Variants in CDH20 observed in about 807,000 individuals in gnomAD.
The protein encoded by CDH20 is cadherin-20.
In CDH20, 29 loss-of-function variants were observed where a neutral mutation model predicts 74.2. The observed-to-expected ratio is 0.39, with a 90% CI of 0.29 to 0.53. The LOEUF is 0.53. Among genes scored for constraint, CDH20 ranks in the 20% least tolerant of loss-of-function variants. The probability of loss-of-function intolerance (pLI) is 0.69; values close to 1 mark genes in which losing one functional copy is unlikely to be tolerated. For missense variants in CDH20, 988 were observed against 1,048.3 expected (o/e 0.94, Z 0.79); for synonymous variants, 469 against 405.4 (o/e 1.16, Z -1.88).
intron 1 of CDH20, among the ~76,000 whole-genome samples, chr18:61,392,787 T>TA (rs78892459): frequency 0.015 from 1,993 of 132,388 alleles, 22 homozygotes; most frequent in African/African-American, 0.021. Flanking sequence ...ATTACTATGG[T>TA]AAAAAAAAAA....
chr18:61,373,584 C>T (rs900187829), intron 1 of CDH20, among the ~76,000 whole-genome samples: 1 of 152,134 alleles, frequency 6.6e-6, no homozygotes, highest in African/African-American at 2.4e-5. Flanking sequence ...TAATTCCCCA[C>T]CATATGTGTG....
chr18:61,484,008 T>C (rs546618925), intron 1 of CDH20, among the ~76,000 whole-genome samples: 1 of 152,344 alleles, frequency 6.6e-6, no homozygotes, highest in South Asian at 2.1e-4. Context: ...AAAATCTTCT[T>C]CCTGTGAATT....
At chr18:61,507,348 T>C (rs1156625932) in intron 5 of CDH20, 25 bp from the exon 6 acceptor site, 5 of 1,602,070 alleles carry the variant, frequency 3.1e-6, no homozygotes, top group Non-Finnish European at 4.3e-6. Flanking sequence ...TTATCAAGAA[T>C]GCGTGTCCTG....
intron 7 of CDH20, 83 bp downstream of exon 7, chr18:61,528,303 G>T (rs1599148666): frequency 2.8e-5 from 38 of 1,377,478 alleles, no homozygotes; most frequent in East Asian, 1.5e-4. Context: ...TTTTCCCTTT[G>T]TTTCTTTCTT....
At chr18:61,491,710 G>A (rs1032656666) in intron 2 of CDH20, among the ~76,000 whole-genome samples, 5 of 152,014 alleles carry the variant, frequency 3.3e-5, no homozygotes, top group Admixed American at 3.3e-4. Context: ...CTTAACCCAG[G>A]TATCTGGCTT....
chr18:61,548,692 C>A (rs1280930651), intron 10 of CDH20, among the ~76,000 whole-genome samples: 1 of 152,224 alleles, frequency 6.6e-6, no homozygotes, highest in Non-Finnish European at 1.5e-5. Flanking sequence ...AGCTCAGCGT[C>A]CCAGGCCGCC....
intron 1 of CDH20, among the ~76,000 whole-genome samples, chr18:61,470,300 T>A (rs1460924645): frequency 6.6e-6 from 1 of 152,218 alleles, no homozygotes; most frequent in Non-Finnish European, 1.5e-5. Flanking sequence ...ACTGGCTGTA[T>A]CCAATCTATT....
intron 1 of CDH20, among the ~76,000 whole-genome samples, chr18:61,408,595 A>C (rs1912403045): frequency 6.6e-6 from 1 of 152,226 alleles, no homozygotes; most frequent in Non-Finnish European, 1.5e-5. Context: ...AGACCTATGT[A>C]CAAGGTACAA....
intron 1 of CDH20, among the ~76,000 whole-genome samples, chr18:61,412,563 T>G (rs1168138159): frequency 6.6e-6 from 1 of 151,962 alleles, no homozygotes; most frequent in Admixed American, 6.6e-5. Context: ...CAAAAAAGAA[T>G]AGTCCAACAA....
intron 1 of CDH20, among the ~76,000 whole-genome samples, chr18:61,440,255 T>C (rs926225442): frequency 6.6e-6 from 1 of 152,190 alleles, no homozygotes; most frequent in African/African-American, 2.4e-5. Context: ...GAAAAGACTT[T>C]ATATTTGCTT....
chr18:61,446,756 CT>C (rs1172609499), intron 1 of CDH20, among the ~76,000 whole-genome samples: 9 of 152,062 alleles, frequency 5.9e-5, no homozygotes, highest in Non-Finnish European at 1.0e-4. Context: ...AAAGTTTTCT[CT>C]TTTTGATATC....
intron 1 of CDH20, among the ~76,000 whole-genome samples, chr18:61,489,098 CTA>C (rs1452400812): frequency 2.6e-5 from 4 of 152,240 alleles, no homozygotes; most frequent in African/African-American, 4.8e-5. Flanking sequence ...TACAAAAATT[CTA>C]TAGTCTCCTC....
rs185228605 is a variant in CDH20 at position 61,372,559 on chromosome 18, G to T, written c.-153+38732G>T. ...AGAGGTCAGTCAACTGTGGCCCACT[G>T]GTGGTTTAACTAGAACCCACAAGCT... On this transcript the variant is annotated intron_variant, in intron 1 of 11. Transcript: ENST00000262717. 3.9e-5 allele frequency among the ~76,000 whole-genome samples: 6 copies of T among 152,146 alleles called. No individual in the cohort carries two copies. The East Asian group carries it at 1.2e-3, about 29-fold the overall frequency.
At chr18:61,411,468 A>T (rs972719901) in intron 1 of CDH20, among the ~76,000 whole-genome samples, 1 of 152,204 alleles carries the variant, frequency 6.6e-6, no homozygotes, top group Admixed American at 6.5e-5. Flanking sequence ...TATTTATAAC[A>T]GCACAATTCG....
intron 6 of CDH20, among the ~76,000 whole-genome samples, chr18:61,513,448 T>C (rs2144341731): frequency 9.7e-6 from 1 of 102,850 alleles, no homozygotes; most frequent in African/African-American, 3.8e-5. Context: ...CTTGACTCTT[T>C]ATCCAATTTG....
intron 1 of CDH20, among the ~76,000 whole-genome samples, chr18:61,487,488 A>G (rs937866996): frequency 6.6e-6 from 1 of 152,286 alleles, no homozygotes; most frequent in Admixed American, 6.5e-5. Context: ...CTTTGCACCA[A>G]CTGTTGCTAT....
intron 1 of CDH20, among the ~76,000 whole-genome samples, chr18:61,446,105 C>T (rs1909194386): frequency 6.6e-6 from 1 of 152,178 alleles, no homozygotes; most frequent in African/African-American, 2.4e-5. Context: ...GCATCATATG[C>T]ATTGCATTTT....
intron 1 of CDH20, among the ~76,000 whole-genome samples, chr18:61,449,876 T>C (rs984705560): frequency 1.3e-5 from 2 of 152,054 alleles, no homozygotes; most frequent in African/African-American, 4.8e-5. Flanking sequence ...TCTTTTATTA[T>C]TTAGATTCTG....
intron 1 of CDH20, among the ~76,000 whole-genome samples, chr18:61,441,875 T>G (rs561602340): frequency 1.3e-5 from 2 of 152,298 alleles, no homozygotes; most frequent in African/African-American, 4.8e-5. Context: ...CCCTGTGTTA[T>G]GAAACTTACA....
Sources: allele counts gnomAD v4.1 joint callset (sites outside exome capture counted in the v4.1 genomes callset), GRCh38; gene constraint gnomAD v4.1.1; transcripts MANE v1.5; gene names NCBI Gene and HGNC (gene_info 2026-07-23, HGNC 2026-07-21).